DIAPH2: variants seen among roughly 807,000 people sequenced by gnomAD.
DIAPH2 encodes diaphanous related formin 2.
DIAPH2 carries 35 observed loss-of-function variants against 92.7 expected under a neutral mutation model. That is an observed-to-expected ratio of 0.38 (90% CI 0.29 to 0.50). DIAPH2 has a LOEUF of 0.50. Among genes scored for constraint, DIAPH2 ranks in the 20% least tolerant of loss-of-function variants. The pLI is 0.94. For missense variants in DIAPH2, 701 were observed against 819.5 expected (o/e 0.86, Z 1.77); for synonymous variants, 301 against 280.4 (o/e 1.07, Z -0.73).
At chrX:97,354,417 G>A (rs2069245757) in intron 24 of DIAPH2, among the ~76,000 whole-genome samples, 1 of 111,785 alleles carries the variant, frequency 8.9e-6, no homozygotes, top group South Asian at 3.7e-4. Context: ...CTGTCGCCCA[G>A]GCTGGAGTAC....
intron 26 of DIAPH2, among the ~76,000 whole-genome samples, chrX:97,526,473 A>C (rs1398313965): frequency 9.0e-6 from 1 of 111,089 alleles, no homozygotes; most frequent in African/African-American, 3.3e-5. Context: ...AAAAAAAAAA[A>C]AAAAAGTCAC....
At chrX:96,949,148 G>T in intron 15 of DIAPH2, 109 bp downstream of exon 15, 2 of 423,990 alleles carry the variant, frequency 4.7e-6, no homozygotes, top group South Asian at 6.2e-5. Flanking sequence ...CTTTTTGGCA[G>T]TTTTACATTT....
intron 22 of DIAPH2, among the ~76,000 whole-genome samples, chrX:97,243,564 C>G (rs1026290923): frequency 1.2e-4 from 13 of 111,760 alleles, no homozygotes; most frequent in African/African-American, 4.2e-4. Flanking sequence ...CTAGAATTCT[C>G]AGATTATTAC....
At chrX:96,894,276 T>C (rs1412163946) in intron 5 of DIAPH2, among the ~76,000 whole-genome samples, 1 of 109,388 alleles carries the variant, frequency 9.1e-6, no homozygotes, top group Non-Finnish European at 1.9e-5. Context: ...TTCTTTTATG[T>C]GGTACCATAC....
chrX:97,299,773 G>C (rs980315834), intron 23 of DIAPH2, among the ~76,000 whole-genome samples: 1 of 112,103 alleles, frequency 8.9e-6, no homozygotes, highest in African/African-American at 3.2e-5. Flanking sequence ...TATGACTAAA[G>C]TAAACAGGCT....
At chrX:97,041,650 A>T (rs955769908) in intron 17 of DIAPH2, among the ~76,000 whole-genome samples, 4 of 111,781 alleles carry the variant, frequency 3.6e-5, no homozygotes, top group African/African-American at 6.5e-5. Context: ...GTGCAAAAAA[A>T]TTGTAATATT....
intron 17 of DIAPH2, among the ~76,000 whole-genome samples, chrX:97,050,786 A>C (rs1251663750): frequency 9.0e-6 from 1 of 110,700 alleles, no homozygotes; most frequent in Non-Finnish European, 1.9e-5. Flanking sequence ...GTTGGCATTT[A>C]TTTCTCTTTT....
intron 26 of DIAPH2, among the ~76,000 whole-genome samples, chrX:97,524,037 C>T: frequency 1.8e-5 from 2 of 111,475 alleles, no homozygotes; most frequent in Middle Eastern, 9.2e-3. Flanking sequence ...TTAGAGTAAA[C>T]CGTAGAATAG....
At chrX:97,345,747 T>G (rs1480782225) in intron 23 of DIAPH2, among the ~76,000 whole-genome samples, 1 of 111,776 alleles carries the variant, frequency 8.9e-6, no homozygotes, top group Non-Finnish European at 1.9e-5. Flanking sequence ...AACTGTTGAT[T>G]TTGTTTCCTT....
intron 22 of DIAPH2, among the ~76,000 whole-genome samples, chrX:97,211,558 A>G (rs2067840848): frequency 9.0e-6 from 1 of 111,247 alleles, no homozygotes. Context: ...GCATTGGAGT[A>G]TAATTTTTTG....
intron 26 of DIAPH2, among the ~76,000 whole-genome samples, chrX:97,482,883 C>G (rs1161549419): frequency 9.0e-6 from 1 of 111,434 alleles, no homozygotes; most frequent in Non-Finnish European, 1.9e-5. Context: ...TCCTCAGAGG[C>G]ATGTGGCCCA....
intron 21 of DIAPH2, among the ~76,000 whole-genome samples, chrX:97,115,861 A>G (rs769226606): frequency 2.7e-4 from 30 of 111,798 alleles, no homozygotes; most frequent in Non-Finnish European, 5.1e-4. Flanking sequence ...AAGTGCTTGT[A>G]TATGTCCATT....
chrX:97,571,104 G>A (rs1036215777), intron 26 of DIAPH2, among the ~76,000 whole-genome samples: 1 of 111,633 alleles, frequency 9.0e-6, no homozygotes, highest in African/African-American at 3.2e-5. Context: ...GGATCCTCCA[G>A]CTAGCACCAA....
intron 4 of DIAPH2, among the ~76,000 whole-genome samples, chrX:96,760,679 C>T (rs1356604928): frequency 3.6e-5 from 4 of 111,050 alleles, no homozygotes; most frequent in African/African-American, 6.5e-5. Flanking sequence ...GGTCAAAACT[C>T]GTTTCTAAAG....
intron 4 of DIAPH2, among the ~76,000 whole-genome samples, chrX:96,764,166 T>C (rs1411672085): frequency 9.0e-6 from 1 of 111,395 alleles, no homozygotes; most frequent in African/African-American, 3.3e-5. Context: ...AAATTATGCA[T>C]GCTGACTATA....
intron 17 of DIAPH2, among the ~76,000 whole-genome samples, chrX:97,047,314 G>A (rs1043908173): frequency 1.3e-4 from 14 of 110,498 alleles, no homozygotes; most frequent in African/African-American, 4.6e-4. Context: ...GGATTCCGTT[G>A]TGTTTATCTA....
intron 22 of DIAPH2, among the ~76,000 whole-genome samples, chrX:97,214,037 C>T (rs763084608): frequency 1.8e-5 from 2 of 111,296 alleles, no homozygotes; most frequent in East Asian, 2.8e-4. Flanking sequence ...AGTGTAAGGG[C>T]GGGGAATTGC....
intron 25 of DIAPH2, among the ~76,000 whole-genome samples, chrX:97,421,755 C>T (rs1206242676): frequency 1.8e-5 from 2 of 111,525 alleles, no homozygotes; most frequent in African/African-American, 6.5e-5. Context: ...CCACCTTTGT[C>T]ATGTCACTGT....
intron 23 of DIAPH2, among the ~76,000 whole-genome samples, chrX:97,326,054 T>C (rs2068948463): frequency 8.9e-6 from 1 of 112,639 alleles, no homozygotes; most frequent in Admixed American, 9.5e-5. Flanking sequence ...TATTGTATTC[T>C]TTGGAGTAGG....
Sources: allele counts gnomAD v4.1 joint callset (sites outside exome capture counted in the v4.1 genomes callset), GRCh38; gene constraint gnomAD v4.1.1; transcripts MANE v1.5; gene names NCBI Gene and HGNC (gene_info 2026-07-23, HGNC 2026-07-21).